The following ARHGAP26 variants were observed in gnomAD, a reference collection of about 807,000 sequenced individuals.
The protein encoded by ARHGAP26 is rho GTPase-activating protein 26.
ARHGAP26 carries 38 observed loss-of-function variants against 104.8 expected under a neutral mutation model. That is an observed-to-expected ratio of 0.36 (90% CI 0.28 to 0.48). The LOEUF (loss-of-function observed/expected upper bound fraction) is 0.48. Among genes scored for constraint, ARHGAP26 ranks in the 20% least tolerant of loss-of-function variants. ARHGAP26 has a pLI of 0.99. For synonymous variants in ARHGAP26, 341 were observed against 340.0 expected, an observed-to-expected ratio of 1.00 and a Z score of -0.03; for missense variants, 704 against 947.9, an observed-to-expected ratio of 0.74 and a Z score of 3.38.
At chr5:143,036,608 C>T (rs146755427) in intron 12 of ARHGAP26, among the ~76,000 whole-genome samples, 21 of 152,218 alleles carry the variant, frequency 1.4e-4, no homozygotes, top group Admixed American at 3.3e-4. Flanking sequence ...CTCAGGGACA[C>T]GTTTAAGGCA....
intron 11 of ARHGAP26, among the ~76,000 whole-genome samples, chr5:143,000,120 G>A (rs1233385839): frequency 6.6e-6 from 1 of 152,176 alleles, no homozygotes; most frequent in Non-Finnish European, 1.5e-5. Context: ...TGAAAAGATT[G>A]GCAAGTGCTG....
At chr5:143,051,925 C>T (rs1413758580) in intron 14 of ARHGAP26, among the ~76,000 whole-genome samples, 1 of 152,156 alleles carries the variant, frequency 6.6e-6, no homozygotes, top group Non-Finnish European at 1.5e-5. Context: ...ATTTGTCTCA[C>T]ATCCAGGAAC....
At chr5:142,776,709 G>A (rs1411289889) in intron 1 of ARHGAP26, among the ~76,000 whole-genome samples, 2 of 152,020 alleles carry the variant, frequency 1.3e-5, no homozygotes, top group Non-Finnish European at 1.5e-5. Flanking sequence ...GTTTGCATAC[G>A]TGTCTTCATG....
At chr5:142,999,142 A>G (rs1247720773) in intron 11 of ARHGAP26, among the ~76,000 whole-genome samples, 1 of 152,164 alleles carries the variant, frequency 6.6e-6, no homozygotes, top group Non-Finnish European at 1.5e-5. Flanking sequence ...GGAAATTAAG[A>G]TACAGAGAGA....
At chr5:142,796,095 G>A (rs910803707) in intron 1 of ARHGAP26, among the ~76,000 whole-genome samples, 11 of 142,208 alleles carry the variant, frequency 7.7e-5, no homozygotes, top group South Asian at 4.5e-4. Flanking sequence ...TGTGTGTTAC[G>A]TCTCTCCTAC....
intron 17 of ARHGAP26, among the ~76,000 whole-genome samples, chr5:143,066,369 G>A (rs114896692): frequency 1.0e-3 from 154 of 152,326 alleles, no homozygotes; most frequent in African/African-American, 3.5e-3. Flanking sequence ...TAAGCGATGC[G>A]TGACTATACT....
At chr5:142,963,896 G>A (rs868512389) in intron 11 of ARHGAP26, among the ~76,000 whole-genome samples, 9 of 152,276 alleles carry the variant, frequency 5.9e-5, no homozygotes, top group African/African-American at 1.9e-4. Flanking sequence ...TAACAGAGTG[G>A]AAAACTGAAA....
intron 1 of ARHGAP26, among the ~76,000 whole-genome samples, chr5:142,801,137 T>C (rs1166416308): frequency 6.6e-6 from 1 of 152,212 alleles, no homozygotes; most frequent in African/African-American, 2.4e-5. Flanking sequence ...GATTGCTTTT[T>C]CTTTCTTTTT....
chr5:143,023,795 T>TC (rs1403619083), intron 12 of ARHGAP26, among the ~76,000 whole-genome samples: 1 of 152,220 alleles, frequency 6.6e-6, no homozygotes, highest in Non-Finnish European at 1.5e-5. Flanking sequence ...CCTCCAGCTT[T>TC]CTCTCCAGGC....
intron 14 of ARHGAP26, among the ~76,000 whole-genome samples, chr5:143,044,441 T>C (rs1598774901): frequency 2.0e-5 from 3 of 152,144 alleles, no homozygotes; most frequent in African/African-American, 4.8e-5. Flanking sequence ...TTCTTGACCA[T>C]GTTGGCAGAA....
chr5:143,184,146 T>C (rs1203117504), intron 20 of ARHGAP26, among the ~76,000 whole-genome samples: 1 of 152,216 alleles, frequency 6.6e-6, no homozygotes, highest in Non-Finnish European at 1.5e-5. Flanking sequence ...AAATAAACCT[T>C]GGACCAGATC....
At chr5:143,071,846 A>G (rs1307273162) in intron 17 of ARHGAP26, among the ~76,000 whole-genome samples, 2 of 152,210 alleles carry the variant, frequency 1.3e-5, no homozygotes, top group Non-Finnish European at 2.9e-5. Flanking sequence ...GGGAGGTTGC[A>G]GTGAGCTGAG....
chr5:143,161,184 G>T (rs996377879), intron 20 of ARHGAP26, among the ~76,000 whole-genome samples: 1 of 151,844 alleles, frequency 6.6e-6, no homozygotes. Flanking sequence ...GCTAACTGTT[G>T]TATTTTTAGC....
chr5:142,773,644 G>A (rs970776421), intron 1 of ARHGAP26, among the ~76,000 whole-genome samples: 1 of 152,224 alleles, frequency 6.6e-6, no homozygotes, highest in African/African-American at 2.4e-5. Context: ...CTAAGATTTT[G>A]TATTATCCTC....
At chr5:143,010,083 G>A (rs1287573709) in intron 11 of ARHGAP26, among the ~76,000 whole-genome samples, 1 of 152,128 alleles carries the variant, frequency 6.6e-6, no homozygotes, top group Non-Finnish European at 1.5e-5. Context: ...GATGCTAGTG[G>A]GCAACTGTGA....
At chr5:143,025,146 G>C (rs1780870779) in intron 12 of ARHGAP26, among the ~76,000 whole-genome samples, 1 of 152,152 alleles carries the variant, frequency 6.6e-6, no homozygotes, top group Admixed American at 6.5e-5. Context: ...ACGTGGCACT[G>C]TACAGTCTCT....
intron 20 of ARHGAP26, among the ~76,000 whole-genome samples, chr5:143,205,775 A>G (rs1443685237): frequency 6.6e-6 from 1 of 152,208 alleles, no homozygotes; most frequent in Non-Finnish European, 1.5e-5. Flanking sequence ...TTATAGCAGT[A>G]CTTGTTTGTG....
Position 142,913,355 on chromosome 5 carries a change from T to C in ARHGAP26, c.1028+62T>C, listed in dbSNP as rs148804416. On this transcript the variant is annotated intron_variant, in intron 10 of 22. Coordinates refer to ENST00000645722, the MANE Select transcript of ARHGAP26 (RefSeq NM_001135608.3). ...AGCTGAATTTCTATATCTTACTTTT[T>C]CTTTCCAGTCAAACCTTTTCTGCTT... 44 of 1,481,146 alleles carry C rather than the reference T, an allele frequency of 3.0e-5. No individual in the cohort carries two copies. In the African/African-American group the frequency reaches 5.8e-4, roughly 20 times the overall value. The allele number at this position is 1,481,146 out of a possible 1,614,324, so 91.8% of individuals were successfully genotyped here.
chr5:142,854,266 T>C (rs933033264), intron 1 of ARHGAP26, among the ~76,000 whole-genome samples: 1 of 152,214 alleles, frequency 6.6e-6, no homozygotes, highest in African/African-American at 2.4e-5. Context: ...GCCTTGAATA[T>C]GGCTCCCTGC....
Sources: gnomAD v4.1 joint callset for allele counts (sites outside exome capture counted in the v4.1 genomes callset) on GRCh38, gnomAD v4.1.1 for gene constraint, MANE v1.5 for transcripts, NCBI Gene and HGNC (gene_info 2026-07-23, HGNC 2026-07-21) for gene names.